Variants in ESRRG observed in about 807,000 individuals in gnomAD.
ESRRG encodes estrogen-related receptor gamma.
In ESRRG, 13 loss-of-function variants were observed where a neutral mutation model predicts 44.0. The ratio of observed to expected loss-of-function variants is 0.30; its 90% CI spans 0.19 to 0.47. ESRRG has a LOEUF of 0.47. Among genes scored for constraint, ESRRG ranks in the 20% least tolerant of loss-of-function variants. The pLI, the probability that ESRRG is intolerant of heterozygous loss-of-function variation, is 1.00. For synonymous variants in ESRRG, 215 were observed against 214.6 expected, an observed-to-expected ratio of 1.00 and a Z score of -0.02; for missense variants, 395 against 580.6, an observed-to-expected ratio of 0.68 and a Z score of 3.29.
intron 1 of ESRRG, among the ~76,000 whole-genome samples, chr1:216,997,780 A>G (rs1375672749): frequency 6.6e-6 from 1 of 152,196 alleles, no homozygotes; most frequent in Non-Finnish European, 1.5e-5. Context: ...CTCTTCCACC[A>G]TACAATGCTA....
intron 1 of ESRRG, among the ~76,000 whole-genome samples, chr1:217,088,189 G>T (rs1177980528): frequency 6.6e-6 from 1 of 151,914 alleles, no homozygotes; most frequent in Non-Finnish European, 1.5e-5. Flanking sequence ...TCCCCTATTT[G>T]GTCTTTGGGC....
chr1:216,683,394 G>T (rs963652772), intron 1 of ESRRG, among the ~76,000 whole-genome samples: 1 of 152,138 alleles, frequency 6.6e-6, no homozygotes, highest in African/African-American at 2.4e-5. Context: ...TGTATACCAG[G>T]ATCAGAATGA....
chr1:216,547,177 T>C (rs1291846062), intron 5 of ESRRG, among the ~76,000 whole-genome samples: 1 of 152,012 alleles, frequency 6.6e-6, no homozygotes, highest in East Asian at 1.9e-4. Context: ...ATTGAGATAA[T>C]ATATGTAAAA....
chr1:216,592,876 A>G (rs985740829), intron 3 of ESRRG, among the ~76,000 whole-genome samples: 12 of 152,190 alleles, frequency 7.9e-5, no homozygotes, highest in Admixed American at 2.6e-4. Context: ...CAGGTTATGA[A>G]GCACTTCATC....
intron 2 of ESRRG, among the ~76,000 whole-genome samples, chr1:216,756,244 A>G (rs1011125598): frequency 2.0e-5 from 3 of 152,032 alleles, no homozygotes; most frequent in Non-Finnish European, 4.4e-5. Flanking sequence ...ACTACTGAAA[A>G]AAAGCAATAT....
chr1:216,762,988 C>T (rs187111218), intron 2 of ESRRG, among the ~76,000 whole-genome samples: 1 of 152,072 alleles, frequency 6.6e-6, no homozygotes, highest in African/African-American at 2.4e-5. Flanking sequence ...TCATAAGTTA[C>T]CTAAGAGTGC....
At chr1:216,962,485 C>A (rs2069305264) in intron 1 of ESRRG, among the ~76,000 whole-genome samples, 1 of 152,180 alleles carries the variant, frequency 6.6e-6, no homozygotes, top group Admixed American at 6.6e-5. Context: ...ACATTTCAGG[C>A]TACAAATTTA....
chr1:216,853,373 A>G (rs984678664), intron 2 of ESRRG, among the ~76,000 whole-genome samples: 15 of 152,138 alleles, frequency 9.9e-5, no homozygotes, highest in African/African-American at 3.4e-4. Flanking sequence ...AAAAAGTTCA[A>G]TGGTACAAAT....
At position 216,702,955 on chromosome 1, in the gene ESRRG, G is replaced by A. The variant is rs1352398329; in HGVS notation, c.56+20289C>T. On this transcript the variant is annotated intron_variant, in intron 1 of 6. Coordinates refer to ENST00000408911, the MANE Select transcript of ESRRG (RefSeq NM_001438.4). ...GAAAAGAGTGCTCAGGAGGATTCTT[G>A]CCAGTATATCTTAAATTTTAAAAAA... Among the ~76,000 whole-genome samples, 5 of 152,134 alleles carry A rather than the reference G, an allele frequency of 3.3e-5. No individual in the cohort carries two copies. The East Asian group carries it at 9.7e-4, about 29-fold the overall frequency.
At chr1:217,043,031 T>C (rs1469479307) in intron 1 of ESRRG, among the ~76,000 whole-genome samples, 3 of 152,182 alleles carry the variant, frequency 2.0e-5, no homozygotes, top group Non-Finnish European at 4.4e-5. Context: ...TGCATTCTCA[T>C]AAATTCCTAT....
chr1:216,746,864 C>T (rs2820876), intron 2 of ESRRG, among the ~76,000 whole-genome samples: 116,417 of 152,060 alleles, frequency 0.77, 45,659 homozygotes, highest in South Asian at 0.9. Flanking sequence ...TTTTGCTTTA[C>T]TTTGTGCTAT....
At chr1:216,822,002 G>A (rs1038554132) in intron 2 of ESRRG, among the ~76,000 whole-genome samples, 1 of 151,954 alleles carries the variant, frequency 6.6e-6, no homozygotes, top group South Asian at 2.1e-4. Flanking sequence ...AAGCAGAAGG[G>A]GGGTTAGATC....
chr1:216,820,722 G>A (rs146348682), intron 2 of ESRRG, among the ~76,000 whole-genome samples: 32 of 152,262 alleles, frequency 2.1e-4, no homozygotes, highest in East Asian at 1.2e-3. Flanking sequence ...TTAGCCACCC[G>A]TTCTTATTAG....
At chr1:217,044,354 C>T (rs2084455419) in intron 1 of ESRRG, among the ~76,000 whole-genome samples, 1 of 152,178 alleles carries the variant, frequency 6.6e-6, no homozygotes. Context: ...CATCTGTACA[C>T]ACTCACTGTG....
intron 2 of ESRRG, among the ~76,000 whole-genome samples, chr1:216,795,910 A>C (rs912241268): frequency 5.3e-5 from 8 of 152,156 alleles, no homozygotes; most frequent in African/African-American, 1.9e-4. Flanking sequence ...GTATACAGGA[A>C]GTGAACCATA....
chr1:216,533,069 C>A (rs988983065), intron 5 of ESRRG, among the ~76,000 whole-genome samples: 1 of 152,004 alleles, frequency 6.6e-6, no homozygotes, highest in Non-Finnish European at 1.5e-5. Context: ...TTTTATTGCA[C>A]CTGACTAGCT....
intron 3 of ESRRG, among the ~76,000 whole-genome samples, chr1:216,570,472 T>C (rs1172829678): frequency 6.6e-6 from 1 of 152,320 alleles, no homozygotes; most frequent in Non-Finnish European, 1.5e-5. Context: ...TTCATCATGA[T>C]TTATTTTTTT....
intron 1 of ESRRG, among the ~76,000 whole-genome samples, chr1:217,062,493 C>A (rs2088762315): frequency 6.6e-6 from 1 of 152,150 alleles, no homozygotes; most frequent in Non-Finnish European, 1.5e-5. Context: ...GATCACAGCA[C>A]TTCTAGAAAA....
At chr1:216,597,627 C>T (rs940123110) in intron 3 of ESRRG, among the ~76,000 whole-genome samples, 5 of 152,172 alleles carry the variant, frequency 3.3e-5, no homozygotes, top group Non-Finnish European at 5.9e-5. Context: ...TCATATTAGA[C>T]AGTGGAATCA....
Sources: gnomAD v4.1 joint callset for allele counts (sites outside exome capture counted in the v4.1 genomes callset) on GRCh38, gnomAD v4.1.1 for gene constraint, MANE v1.5 for transcripts, NCBI Gene and HGNC (gene_info 2026-07-23, HGNC 2026-07-21) for gene names.